ABCC1: variants seen among roughly 807,000 people sequenced by gnomAD.
The protein encoded by ABCC1 is multidrug resistance-associated protein 1.
ABCC1 carries 83 observed loss-of-function variants against 172.9 expected under a neutral mutation model. That is an observed-to-expected ratio of 0.48 (90% confidence interval 0.40 to 0.58). The LOEUF is 0.58. Among genes scored for constraint, ABCC1 ranks in the 20% least tolerant of loss-of-function variants. The pLI is 0.00. For missense variants in ABCC1, 1,817 were observed against 2,002.7 expected, an observed-to-expected ratio of 0.91 and a Z score of 1.77; for synonymous variants, 937 against 825.2, an observed-to-expected ratio of 1.14 and a Z score of -2.32.
chr16:16,066,686 G>T (rs1162762146), intron 12 of ABCC1, among the ~76,000 whole-genome samples: 2 of 149,458 alleles, frequency 1.3e-5, no homozygotes, highest in Non-Finnish European at 3.0e-5. Flanking sequence ...ATCACTTGAG[G>T]CCAGGAGCTC....
At position 16,044,625 on chromosome 16, in the gene ABCC1, T is replaced by G. The variant is rs1376218656; in HGVS notation, c.985T>G (p.Phe329Val). 9 of 1,614,042 alleles carry G rather than the reference T, an allele frequency of 5.6e-6. No homozygotes were observed. Among genetic ancestry groups the G allele is most frequent in the Non-Finnish European group, 7.6e-6 (9 of 1,180,040 alleles). ...KTFGPYFLMSFFFKAIHDLMM... is the reference protein window; with the variant it reads ...KTFGPYFLMSVFFKAIHDLMM... Reference sequence around the variant, plus strand: ...CTTTGGGCCCTACTTCCTCATGAGCTTCTTCTTCAAGGCCATCCACGACCT... The same window carrying G: ...CTTTGGGCCCTACTTCCTCATGAGCGTCTTCTTCAAGGCCATCCACGACCT... Residue 329 changes from phenylalanine to valine, a missense_variant, in exon 8 of 31, where the codon TTC (phenylalanine) becomes GTC (valine). Transcript: ENST00000399410.
Position 16,068,179 on chromosome 16 carries a change from C to G in ABCC1, c.1701C>G (p.Val567=). The G allele has an allele frequency of 3.1e-6, 5 of 1,614,188 alleles. No homozygotes were observed. Among genetic ancestry groups the G allele is most frequent in the Non-Finnish European group, 4.2e-6 (5 of 1,180,046 alleles). Residue 567 remains valine (V), a synonymous_variant, in exon 13 of 31, where the codon GTC becomes GTG. Transcript: ENST00000399410. The part of the protein sequence containing the change: ...PFLVALCTFA[V]YVTIDENNIL... ...AGGTGGCCTTGTGCACATTTGCCGT[C>G]TACGTGACCATTGACGAGAACAACA...
At chr16:15,991,440 A>G (rs1156929065) in intron 1 of ABCC1, among the ~76,000 whole-genome samples, 1 of 152,164 alleles carries the variant, frequency 6.6e-6, no homozygotes, top group Non-Finnish European at 1.5e-5. Context: ...CTGCAAAAGA[A>G]GAGTAGCCCC....
intron 1 of ABCC1, among the ~76,000 whole-genome samples, chr16:15,955,906 T>C (rs1181455316): frequency 1.3e-5 from 2 of 152,142 alleles, no homozygotes; most frequent in African/African-American, 4.8e-5. Context: ...TAAATAACAG[T>C]TGACCTTGGA....
intron 3 of ABCC1, among the ~76,000 whole-genome samples, chr16:16,012,840 A>T (rs1597116371): frequency 6.6e-6 from 1 of 151,122 alleles, no homozygotes; most frequent in Non-Finnish European, 1.5e-5. Context: ...GCGCCACCAC[A>T]CCTGGCTAAT....
intron 1 of ABCC1, among the ~76,000 whole-genome samples, chr16:15,970,081 C>T (rs1377070798): frequency 6.6e-6 from 1 of 152,084 alleles, no homozygotes; most frequent in Admixed American, 6.5e-5. Context: ...AGTGGGGAAC[C>T]CGTTTGATGA....
chr16:16,119,437 G>GA (rs889933149), intron 23 of ABCC1, among the ~76,000 whole-genome samples: 9 of 151,970 alleles, frequency 5.9e-5, no homozygotes, highest in Middle Eastern at 3.4e-3. Context: ...CGAGTTGTCT[G>GA]AAAAAAACAT....
At chr16:16,104,134 AAG>A (rs2051938103) in intron 20 of ABCC1, among the ~76,000 whole-genome samples, 1 of 152,190 alleles carries the variant, frequency 6.6e-6, no homozygotes, top group African/African-American at 2.4e-5. Flanking sequence ...ACAGCTCACA[AAG>A]GCAATGTGGA....
intron 22 of ABCC1, among the ~76,000 whole-genome samples, chr16:16,113,454 A>G (rs141817820): frequency 5.8e-4 from 88 of 152,324 alleles, no homozygotes; most frequent in East Asian, 4.2e-3. Flanking sequence ...CAGGGGTTCA[A>G]GACCAGCCTG....
chr16:16,005,817 C>G (rs1235097044), intron 1 of ABCC1, among the ~76,000 whole-genome samples: 1 of 151,852 alleles, frequency 6.6e-6, no homozygotes, highest in Non-Finnish European at 1.5e-5. Context: ...AAAAATTAGC[C>G]AAGCGGGGTG....
intron 1 of ABCC1, among the ~76,000 whole-genome samples, chr16:15,992,723 G>C (rs1470362561): frequency 6.6e-6 from 1 of 152,196 alleles, no homozygotes; most frequent in Non-Finnish European, 1.5e-5. Context: ...CTTAATATGT[G>C]AATTAGGCGA....
intron 12 of ABCC1, among the ~76,000 whole-genome samples, chr16:16,065,424 C>T (rs958280999): frequency 2.6e-5 from 4 of 151,988 alleles, no homozygotes; most frequent in African/African-American, 9.7e-5. Context: ...CTATGCTTGA[C>T]TTATTTATTA....
chr16:16,132,073 G>A (rs913495469), intron 27 of ABCC1, 138 bp downstream of exon 27: 5 of 1,107,830 alleles, frequency 4.5e-6, no homozygotes, highest in Admixed American at 5.2e-5. Context: ...TGGGGGGCTG[G>A]GAGTGGACTG....
chr16:16,089,244 T>A (rs2051138028), intron 18 of ABCC1, among the ~76,000 whole-genome samples: 1 of 152,046 alleles, frequency 6.6e-6, no homozygotes, highest in South Asian at 2.1e-4. Flanking sequence ...GGGAGTTGTT[T>A]TAGAAAAAAA....
chr16:15,976,699 A>T (rs1480272104), intron 1 of ABCC1, among the ~76,000 whole-genome samples: 2 of 152,196 alleles, frequency 1.3e-5, no homozygotes, highest in African/African-American at 4.8e-5. Context: ...TCCAACAGTG[A>T]TGATGACAAT....
intron 22 of ABCC1, among the ~76,000 whole-genome samples, chr16:16,112,815 G>C (rs1654317289): frequency 6.6e-6 from 1 of 152,232 alleles, no homozygotes; most frequent in African/African-American, 2.4e-5. Flanking sequence ...CACATTGCCA[G>C]GTGGGGACTT....
chr16:16,049,571 C>G (rs2049344915), intron 10 of ABCC1, among the ~76,000 whole-genome samples: 1 of 152,216 alleles, frequency 6.6e-6, no homozygotes, highest in Admixed American at 6.5e-5. Context: ...ACAAACACTA[C>G]TTCCATTGAT....
At chr16:15,954,209 C>T (rs1414891384) in intron 1 of ABCC1, among the ~76,000 whole-genome samples, 7 of 151,822 alleles carry the variant, frequency 4.6e-5, no homozygotes, top group African/African-American at 9.7e-5. Flanking sequence ...ACAAAACCCC[C>T]ATAGAGACGG....
chr16:16,126,042 C>G, intron 26 of ABCC1, 131 bp downstream of exon 26: 1 of 572,766 alleles, frequency 1.7e-6, no homozygotes, highest in Non-Finnish European at 3.0e-6. Context: ...CATCTTAACG[C>G]TTGTCCAGTC....
Sources: allele counts gnomAD v4.1 joint callset (sites outside exome capture counted in the v4.1 genomes callset), GRCh38; gene constraint gnomAD v4.1.1; transcripts MANE v1.5; gene names NCBI Gene and HGNC (gene_info 2026-07-23, HGNC 2026-07-21).